The following UXS1 variants were observed in gnomAD, a reference collection of about 807,000 sequenced individuals.
UXS1 encodes the protein UDP-glucuronic acid decarboxylase 1.
A neutral mutation model predicts 62.6 loss-of-function variants in UXS1; 33 were observed. The observed-to-expected ratio is 0.53, with a 90% confidence interval of 0.40 to 0.70. UXS1 has a LOEUF of 0.70. UXS1 is among the 30% of genes least tolerant of loss of function. The probability of loss-of-function intolerance (pLI) is 0.00; values close to 1 mark genes in which losing one functional copy is unlikely to be tolerated. For missense variants in UXS1, 434 were observed against 556.3 expected (o/e 0.78, Z 2.21); for synonymous variants, 213 against 206.8 (o/e 1.03, Z -0.26).
rs768079305 is a variant in UXS1 at position 106,094,042 on chromosome 2, C to T, written c.1262G>A (p.Arg421Gln). The change falls in exon 15 of 15, where the codon CGG (arginine) becomes CAG (glutamine). Residue 421 changes from arginine to glutamine, a missense_variant. Arg to Gln is a conservative substitution (Grantham distance 43). Coordinates refer to ENST00000283148, the MANE Select transcript of UXS1 (RefSeq NM_001253875.2). ...GTGAGGAGTTCAGCTGTGGCGAGTCCGTCCTTTCTTTATTCTGGCAGGCTT... is the reference window on the plus strand; with the variant it reads ...GTGAGGAGTTCAGCTGTGGCGAGTCTGTCCTTTCTTTATTCTGGCAGGCTT... The part of the protein sequence containing the change: ...KPKPARIKKG[R>Q]TRHS 25 of 1,612,294 alleles carry T rather than the reference C, an allele frequency of 1.6e-5. No homozygotes were observed. Among genetic ancestry groups the T allele is most frequent in the Non-Finnish European group, 2.0e-5 (23 of 1,179,474 alleles).
At chr2:106,121,535 TC>T (rs1679522055) in intron 9 of UXS1, among the ~76,000 whole-genome samples, 1 of 152,202 alleles carries the variant, frequency 6.6e-6, no homozygotes, top group South Asian at 2.1e-4. Flanking sequence ...TAGTCAGTAC[TC>T]CTAAGTACCC....
intron 1 of UXS1, among the ~76,000 whole-genome samples, chr2:106,189,711 A>G (rs934497619): frequency 7.2e-5 from 11 of 152,228 alleles, no homozygotes; most frequent in African/African-American, 2.7e-4. Context: ...TCAGAAAGAG[A>G]AGGACTGGCT....
At chr2:106,193,014 A>G (rs1053831961) in intron 1 of UXS1, among the ~76,000 whole-genome samples, 3 of 151,994 alleles carry the variant, frequency 2.0e-5, no homozygotes, top group Non-Finnish European at 2.9e-5. Context: ...CCTCCCTTGC[A>G]AAACTACACA....
intron 5 of UXS1, among the ~76,000 whole-genome samples, chr2:106,153,092 T>C (rs1277761769): frequency 6.6e-6 from 1 of 152,116 alleles, no homozygotes; most frequent in Non-Finnish European, 1.5e-5. Flanking sequence ...AAGCAATAAA[T>C]AGAAGGCAAT....
At chr2:106,167,062 C>A (rs1399035340) in intron 1 of UXS1, among the ~76,000 whole-genome samples, 3 of 152,192 alleles carry the variant, frequency 2.0e-5, no homozygotes, top group Non-Finnish European at 2.9e-5. Flanking sequence ...ATACTCTAGG[C>A]ACCTGGTGGG....
At chr2:106,130,068 G>A (rs1294297668) in intron 6 of UXS1, among the ~76,000 whole-genome samples, 2 of 152,102 alleles carry the variant, frequency 1.3e-5, no homozygotes, top group Non-Finnish European at 2.9e-5. Context: ...ATTTGTCCCA[G>A]ATAGAGCATT....
chr2:106,121,151 C>A (rs1019810389), intron 9 of UXS1, among the ~76,000 whole-genome samples: 8 of 152,174 alleles, frequency 5.3e-5, no homozygotes, highest in African/African-American at 1.7e-4. Context: ...GCCCCTAGAA[C>A]AGTACCTAGC....
intron 9 of UXS1, among the ~76,000 whole-genome samples, chr2:106,119,108 A>AGT (rs2104908963): frequency 6.6e-6 from 1 of 152,346 alleles, no homozygotes; most frequent in South Asian, 2.1e-4. Context: ...ACAAGGTCAC[A>AGT]GTGCAGCTCC....
At chr2:106,184,343 A>G (rs934567456) in intron 1 of UXS1, among the ~76,000 whole-genome samples, 11 of 152,264 alleles carry the variant, frequency 7.2e-5, no homozygotes, top group African/African-American at 2.4e-4. Flanking sequence ...ATGTGGGTTC[A>G]GTACACATGA....
chr2:106,190,853 T>G (rs1224952215), intron 1 of UXS1, among the ~76,000 whole-genome samples: 1 of 151,760 alleles, frequency 6.6e-6, no homozygotes, highest in Non-Finnish European at 1.5e-5. Flanking sequence ...ACTATATGCA[T>G]GTTAAAAAAA....
Position 106,094,078 on chromosome 2 carries a change from A to G in UXS1, c.1226T>C (p.Ile409Thr), listed in dbSNP as rs1573375349. Residue 409 changes from isoleucine (I) to threonine (T), a missense_variant, in exon 15 of 15, where the codon ATC becomes ACC. This residue lies in a region of UXS1 where 209 missense variants were observed against 233.3 expected (regional missense o/e 0.90). Transcript: ENST00000283148. ...ELEYQANNQY[I>T]PKPKPARIKK... ...TATTCTGGCAGGCTTTGGTTTGGGG[A>G]TGTACTGATTATTTGCCTGGTACTC... is the stretch of plus-strand genomic sequence containing the variant. 6.2e-7 allele frequency: 1 copy of G among 1,613,140 alleles called. No individual in the cohort carries two copies. The highest frequency in any genetic ancestry group is 8.5e-7 in the Non-Finnish European group (1 of 1,179,720).
At chr2:106,128,129 T>TA (rs1157636421) in intron 7 of UXS1, among the ~76,000 whole-genome samples, 2 of 151,980 alleles carry the variant, frequency 1.3e-5, no homozygotes, top group Non-Finnish European at 1.5e-5. Flanking sequence ...TCTTTTCCTC[T>TA]ATGGTCTAGT....
Position 106,129,700 on chromosome 2 carries a change from T to C in UXS1, c.551A>G (p.Asn184Ser), listed in dbSNP as rs1276493174. The C allele has an allele frequency of 1.2e-6, 2 of 1,612,178 alleles. No homozygotes were observed. Among genetic ancestry groups the C allele is most frequent in the South Asian group, 1.1e-5 (1 of 90,568 alleles). Residue 184 changes from asparagine to serine, a missense_variant, in exon 7 of 15, where the codon AAT becomes AGT. By Grantham distance (46) the Asn-to-Ser change is conservative. Transcript: ENST00000283148. ...CAACATGTTTAATGTCCCAATCGTATTGGTCTTTAATGTCTTGATAGGATT... is the reference window on the plus strand; with the variant it reads ...CAACATGTTTAATGTCCCAATCGTACTGGTCTTTAATGTCTTGATAGGATT... ...MYNPIKTLKT[N>S]TIGTLNMLGL...
chr2:106,138,374 G>A, intron 6 of UXS1: 2 of 985,574 alleles, frequency 2.0e-6, no homozygotes, highest in Non-Finnish European at 2.4e-6. Flanking sequence ...AGCTCACTGA[G>A]CACAAGATGC....
intron 13 of UXS1, chr2:106,097,819 G>A (rs1677245924): frequency 6.4e-6 from 1 of 157,014 alleles, no homozygotes; most frequent in Non-Finnish European, 1.4e-5. Flanking sequence ...ACAGATTCAG[G>A]ATGGAAAAGC....
chr2:106,123,858 C>T (rs926556229), intron 8 of UXS1, among the ~76,000 whole-genome samples: 1 of 152,106 alleles, frequency 6.6e-6, no homozygotes, highest in Non-Finnish European at 1.5e-5. Flanking sequence ...GTCTTTGCCA[C>T]GAAATCTGGA....
At chr2:106,172,651 C>G (rs1008452171) in intron 1 of UXS1, among the ~76,000 whole-genome samples, 1 of 152,168 alleles carries the variant, frequency 6.6e-6, no homozygotes, top group Non-Finnish European at 1.5e-5. Context: ...GGCCACAGGT[C>G]TGTACTTCAG....
intron 9 of UXS1, among the ~76,000 whole-genome samples, chr2:106,122,748 C>T (rs1267513835): frequency 1.3e-5 from 2 of 152,144 alleles, no homozygotes; most frequent in Non-Finnish European, 2.9e-5. Context: ...AATAGTATTC[C>T]AAACCCAAGA....
At chr2:106,125,756 A>C in intron 7 of UXS1, 77 bp from the exon 8 acceptor site, 2 of 1,262,248 alleles carry the variant, frequency 1.6e-6, no homozygotes, top group Non-Finnish European at 2.2e-6. Context: ...AATTTAAGCA[A>C]TGTTTTAGTA....
Sources: gnomAD v4.1 joint callset for allele counts (sites outside exome capture counted in the v4.1 genomes callset) on GRCh38, gnomAD v4.1.1 for gene constraint, gnomAD v4.1.1 regional missense constraint, MANE v1.5 for transcripts, NCBI Gene and HGNC (gene_info 2026-07-23, HGNC 2026-07-21) for gene names.